LAMC3: variants seen among roughly 807,000 people sequenced by gnomAD.
LAMC3 encodes the protein laminin subunit gamma 3, also known as laminin subunit gamma-3.
A neutral mutation model predicts 173.8 loss-of-function variants in LAMC3; 128 were observed. That is an observed-to-expected ratio of 0.74 (90% CI 0.64 to 0.85). LAMC3 has a LOEUF of 0.85. Among genes scored for constraint, LAMC3 ranks in the 40% least tolerant of loss-of-function variants. The pLI is 0.00. For missense variants in LAMC3, 2,022 were observed against 2,156.0 expected, an observed-to-expected ratio of 0.94 and a Z score of 1.23; for synonymous variants, 897 against 909.1, an observed-to-expected ratio of 0.99 and a Z score of 0.24.
chr9:131,085,793 T>G (rs1830322466), intron 25 of LAMC3, 70 bp downstream of exon 25: 1 of 1,456,770 alleles, frequency 6.9e-7, no homozygotes, highest in Non-Finnish European at 9.6e-7. Context: ...GCGGGCCCCT[T>G]CCCGACATCC....
chr9:131,045,448 A>C, intron 7 of LAMC3, 76 bp from the exon 8 acceptor site: 1 of 1,555,816 alleles, frequency 6.4e-7, no homozygotes. Context: ...TCATTGGTCC[A>C]GCTGGGATAC....
chr9:131,051,064 C>T (rs1266226974), intron 9 of LAMC3, among the ~76,000 whole-genome samples: 1 of 151,826 alleles, frequency 6.6e-6, no homozygotes, highest in Admixed American at 6.5e-5. Flanking sequence ...CCAGGAAACG[C>T]TCTGGGGCAG....
chr9:131,014,205 G>A (rs1833478099), intron 1 of LAMC3, among the ~76,000 whole-genome samples: 2 of 152,222 alleles, frequency 1.3e-5, no homozygotes, highest in African/African-American at 4.8e-5. Context: ...CATCATCCCT[G>A]TCCACTTCCC....
intron 11 of LAMC3, among the ~76,000 whole-genome samples, chr9:131,054,301 G>C (rs1438853022): frequency 6.6e-6 from 1 of 152,056 alleles, no homozygotes; most frequent in African/African-American, 2.4e-5. Flanking sequence ...TGAGTCCAAG[G>C]GTGCTGGGAT....
intron 12 of LAMC3, among the ~76,000 whole-genome samples, chr9:131,058,728 T>C (rs1056649339): frequency 6.6e-6 from 1 of 151,344 alleles, no homozygotes; most frequent in African/African-American, 2.4e-5. Flanking sequence ...ACCCCATCTC[T>C]ACTAAAACTA....
At chr9:131,038,081 C>T (rs1833977262) in intron 4 of LAMC3, among the ~76,000 whole-genome samples, 1 of 152,160 alleles carries the variant, frequency 6.6e-6, no homozygotes, top group African/African-American at 2.4e-5. Context: ...GGGCTTTCGC[C>T]TCCTGTCTGC....
intron 25 of LAMC3, 68 bp downstream of exon 25, chr9:131,085,791 C>T (rs1830322432): frequency 1.4e-6 from 2 of 1,474,168 alleles, no homozygotes; most frequent in Non-Finnish European, 9.4e-7. Context: ...CCGCGGGCCC[C>T]TTCCCGACAT....
At chr9:131,071,097 T>C (rs919766925) in intron 17 of LAMC3, among the ~76,000 whole-genome samples, 11 of 152,216 alleles carry the variant, frequency 7.2e-5, no homozygotes, top group African/African-American at 2.7e-4. Flanking sequence ...GATGAAAAGA[T>C]GGAGCTAGGG....
At chr9:131,064,010 C>T (rs199943328) in intron 13 of LAMC3, among the ~76,000 whole-genome samples, 7 of 152,098 alleles carry the variant, frequency 4.6e-5, no homozygotes, top group South Asian at 4.1e-4. Context: ...CAGGTTCAAG[C>T]GATTCTCCTG....
chr9:131,018,617 T>G lies in LAMC3; in HGVS notation c.374-7668T>G, dbSNP rs1172386267. On this transcript the variant is annotated intron_variant, in intron 1 of 27. Transcript: ENST00000361069. ...GTGACACTGCTTGGGAGTACTTGGC[T>G]TCCCTCACCTCCAGGCCGCCCAATA... Among the ~76,000 whole-genome samples, 6 of 152,256 alleles carry G rather than the reference T, an allele frequency of 3.9e-5. No individual in the cohort carries two copies. The East Asian group carries it at 1.2e-3, about 29-fold the overall frequency.
intron 4 of LAMC3, among the ~76,000 whole-genome samples, chr9:131,036,674 G>A (rs1454980397): frequency 1.3e-5 from 2 of 152,164 alleles, no homozygotes; most frequent in East Asian, 3.9e-4. Flanking sequence ...AACAAGCAAG[G>A]GGGTGCTGAT....
chr9:131,036,481 C>T (rs552339730), intron 4 of LAMC3, 149 bp downstream of exon 4: 32 of 886,030 alleles, frequency 3.6e-5, no homozygotes, highest in Middle Eastern at 6.1e-4. Context: ...GAGATAAGGA[C>T]GAGCAGAAGG....
chr9:131,056,865 T>TG (rs1564379131), intron 11 of LAMC3, 64 bp from the exon 12 acceptor site: 1 of 1,307,588 alleles, frequency 7.6e-7, no homozygotes. Flanking sequence ...AGGAAGGTTT[T>TG]GGGGGGAAGC....
intron 1 of LAMC3, among the ~76,000 whole-genome samples, chr9:131,019,327 G>A (rs1232731448): frequency 6.6e-6 from 1 of 152,194 alleles, no homozygotes; most frequent in African/African-American, 2.4e-5. Context: ...ACCTCCCCTT[G>A]GGGCAGGTGC....
intron 27 of LAMC3, 83 bp downstream of exon 27, chr9:131,087,900 G>A (rs751622649): frequency 1.9e-5 from 21 of 1,077,474 alleles, no homozygotes; most frequent in Non-Finnish European, 3.0e-5. Context: ...CAGTCCTGGG[G>A]AAGATTTCCT....
At chr9:131,055,187 T>C (rs1834376565) in intron 11 of LAMC3, among the ~76,000 whole-genome samples, 1 of 152,080 alleles carries the variant, frequency 6.6e-6, no homozygotes, top group Admixed American at 6.5e-5. Flanking sequence ...GGGAGCATTT[T>C]CCATTTTGAT....
intron 12 of LAMC3, among the ~76,000 whole-genome samples, chr9:131,060,130 C>T (rs1473399523): frequency 6.6e-6 from 1 of 152,208 alleles, no homozygotes; most frequent in African/African-American, 2.4e-5. Context: ...AGGGCAGGAA[C>T]AGGGGTTCCC....
At chr9:131,040,087 T>C (rs1834021176) in intron 6 of LAMC3, among the ~76,000 whole-genome samples, 1 of 148,832 alleles carries the variant, frequency 6.7e-6, no homozygotes, top group African/African-American at 2.5e-5. Context: ...CCATCTTGGC[T>C]CACTGCAACC....
chr9:131,076,091 C>G (rs969494316), intron 21 of LAMC3, 126 bp downstream of exon 21: 2 of 991,946 alleles, frequency 2.0e-6, no homozygotes, highest in South Asian at 3.4e-5. Context: ...TCGTTGGTGT[C>G]TTGGGTCTGC....
Sources: gnomAD v4.1 joint callset for allele counts (sites outside exome capture counted in the v4.1 genomes callset) on GRCh38, gnomAD v4.1.1 for gene constraint, MANE v1.5 for transcripts, NCBI Gene and HGNC (gene_info 2026-07-23, HGNC 2026-07-21) for gene names.